Variants in UBXN6 observed in about 807,000 individuals in gnomAD.
UBXN6 encodes UBX domain protein 6.
A neutral mutation model predicts 51.4 loss-of-function variants in UBXN6; 44 were observed. That is an observed-to-expected ratio of 0.86 (90% CI 0.67 to 1.10). UBXN6 has a LOEUF of 1.10. Among genes scored for constraint, UBXN6 ranks in the 50% least tolerant of loss-of-function variants. The probability of loss-of-function intolerance (pLI) is 0.00; values close to 1 mark genes in which losing one functional copy is unlikely to be tolerated. For synonymous variants in UBXN6, 316 were observed against 263.2 expected (o/e 1.20, Z -1.94); for missense variants, 672 against 596.1 (o/e 1.13, Z -1.32).
At chr19:4,448,684 AG>A in intron 4 of UBXN6, 1 of 504,544 alleles carries the variant, frequency 2.0e-6, no homozygotes, top group East Asian at 3.5e-5. Context: ...CTTGGAAGCC[AG>A]TGTGACGCGA....
At chr19:4,447,773 C>T (rs945466302) in intron 5 of UBXN6, 148 bp from the exon 6 acceptor site, 3 of 758,646 alleles carry the variant, frequency 4.0e-6, no homozygotes, top group Non-Finnish European at 6.8e-6. Flanking sequence ...GGCAGCAGAC[C>T]ATCTCCGGGT....
rs745536160 is a variant in UBXN6 at position 4,448,403 on chromosome 19, C to T, written c.454G>A (p.Asp152Asn). 2.3e-5 allele frequency: 36 copies of T among 1,588,630 alleles called. No individual in the cohort carries two copies. The highest frequency in any genetic ancestry group is 2.9e-5 in the Non-Finnish European group (34 of 1,169,044). ...TTCATGATGGAGGCGGCCACTGGGT[C>T]GGTGGAGAAGTGCTGGGAGGAGGGA... ...KEAILLHFST[D>N]PVAASIMKIY... Residue 152 changes from aspartate (D) to asparagine (N), a missense_variant, in exon 5 of 11, where the codon GAC (aspartate) becomes AAC (asparagine). Asp to Asn is a conservative substitution (Grantham distance 23). Transcript: ENST00000301281.
At position 4,452,373 on chromosome 19, in the gene UBXN6, GGC is replaced by G. The variant is rs1491561708; in HGVS notation, c.430_431del (p.Ala144HisfsTer65). The G allele has an allele frequency of 3.7e-6, 6 of 1,613,672 alleles. No homozygotes were observed. The highest frequency in any genetic ancestry group is 1.7e-5 in the Admixed American group (1 of 59,996). ...ACAGGGTGCCACTCACCAAGAGAAT[GGC>G]CTCCTTGATGCAGGCGTCCCGCTGG... is the stretch of plus-strand genomic sequence containing the variant. ...KDQRDACIKE[A>X]ILLHFSTDPV... On this transcript the variant is annotated frameshift_variant, in exon 4 of 11. Coordinates refer to ENST00000301281, the MANE Select transcript of UBXN6 (RefSeq NM_025241.3). LOFTEE classifies it high-confidence loss of function.
Position 4,453,956 on chromosome 19 carries a change from G to C in UBXN6, c.221C>G (p.Thr74Arg). ...EQKQSRAWGP[T>R]SQDTIRNQVR... Reference sequence around the variant, plus strand: ...CTGGTTTCGGATGGTGTCCTGCGATGTGGGGCCCCAGGCCCGGGACTGCTT... The same window carrying C: ...CTGGTTTCGGATGGTGTCCTGCGATCTGGGGCCCCAGGCCCGGGACTGCTT... The change falls in exon 2 of 11, where the codon ACA (threonine) becomes AGA (arginine). Residue 74 changes from threonine to arginine, a missense_variant. Thr to Arg is a moderately conservative substitution (Grantham distance 71). Transcript: ENST00000301281. 1 of 1,611,064 alleles carries C rather than the reference G, an allele frequency of 6.2e-7. No homozygotes were observed. Among genetic ancestry groups the C allele is most frequent in the Non-Finnish European group, 8.5e-7 (1 of 1,179,826 alleles).
chr19:4,448,320 G>T lies in UBXN6; in HGVS notation c.537C>A (p.Ala179=). The T allele has an allele frequency of 6.2e-7, 1 of 1,604,756 alleles. No homozygotes were observed. Among genetic ancestry groups the T allele is most frequent in the Non-Finnish European group, 8.5e-7 (1 of 1,176,548 alleles). ...DRVKLGVDTI[A]KYLDNIHLHP... ...GGGCAAAGGGGCCACACGCTCACTTGGCAATGGTGTCCACACCCAGCTTCA... is the reference window on the plus strand; with the variant it reads ...GGGCAAAGGGGCCACACGCTCACTTTGCAATGGTGTCCACACCCAGCTTCA... Residue 179 remains alanine, a splice_region_variant and synonymous_variant, in exon 5 of 11, where the codon GCC becomes GCA. Transcript: ENST00000301281.
At chr19:4,449,176 TCA>T (rs1316694888) in intron 4 of UBXN6, 1 of 153,138 alleles carries the variant, frequency 6.5e-6, no homozygotes, top group African/African-American at 2.4e-5. Flanking sequence ...GGCACAGCCA[TCA>T]CACACGGCCA....
intron 1 of UBXN6, among the ~76,000 whole-genome samples, chr19:4,455,796 G>A (rs1029687320): frequency 3.3e-5 from 5 of 152,046 alleles, no homozygotes; most frequent in Admixed American, 6.5e-5. Flanking sequence ...CGCAGGGAGA[G>A]AAGGAGGGGC....
intron 1 of UBXN6, among the ~76,000 whole-genome samples, chr19:4,456,170 C>T (rs1182147988): frequency 6.6e-6 from 1 of 152,002 alleles, no homozygotes; most frequent in Non-Finnish European, 1.5e-5. Context: ...GCCATCACCC[C>T]GATACCCTGC....
At chr19:4,454,158 TCA>T in intron 1 of UBXN6, 65 bp from the exon 2 acceptor site, 1 of 1,457,380 alleles carries the variant, frequency 6.9e-7, no homozygotes, top group Non-Finnish European at 9.1e-7. Context: ...TGACGTGCAG[TCA>T]CACAGAGGAG....
Position 4,446,337 on chromosome 19 carries a change from T to C in UBXN6, c.997A>G (p.Lys333Glu). ...REKEEQRGLR[K>E]YNYTLLRVRL... is the part of the protein sequence containing the mutation. The stretch of plus-strand genomic sequence containing the variant: ...ACGCGCAGCAGCGTGTAGTTGTACT[T>C]GCGCAGCCCCCGCTGCTCCTCCTTC... Residue 333 changes from lysine (K) to glutamate (E), a missense_variant, in exon 9 of 11, where the codon AAG (lysine) becomes GAG (glutamate). Physicochemically the swap from Lys to Glu is moderately conservative, Grantham distance 56. Transcript: ENST00000301281. 1.3e-6 allele frequency: 2 copies of C among 1,571,648 alleles called. No homozygotes were observed. Among genetic ancestry groups the C allele is most frequent in the South Asian group, 2.3e-5 (2 of 87,434 alleles).
In UBXN6 at chr19:4,452,478, T is replaced by C; in HGVS notation, c.327A>G (p.Arg109=). The C allele has an allele frequency of 1.2e-6, 2 of 1,611,186 alleles. No homozygotes were observed. The highest frequency in any genetic ancestry group is 4.5e-5 in the East Asian group (2 of 44,846). The stretch of plus-strand genomic sequence containing the variant: ...CAGCCAGGTGGGCAGAGCCTTCCTC[T>C]CTGGGCTCAGATACCTGGGGCGGTG... ...APGTNVVSEP[R]EEGSAHLAVP... The change falls in exon 4 of 11, where the codon AGA becomes AGG. Residue 109 remains arginine, a synonymous_variant. Transcript: ENST00000301281.
At chr19:4,453,807 C>A (rs986397608) in intron 2 of UBXN6, 123 bp downstream of exon 2, 2 of 1,413,856 alleles carry the variant, frequency 1.4e-6, no homozygotes, top group East Asian at 2.3e-5. Context: ...CTTGATGAGC[C>A]GCTCCCAAGG....
chr19:4,445,329 G>T lies in UBXN6; in HGVS notation c.*169C>A. ...TCCCCACAGCCCCCAAGGGATGGGG[G>T]CTCTGCCACGGGGCCCAATTCCACA... On this transcript the variant is annotated 3_prime_UTR_variant, in exon 11 of 11. Coordinates refer to ENST00000301281, the MANE Select transcript of UBXN6 (RefSeq NM_025241.3). 8.6e-7 allele frequency: 1 copy of T among 1,166,000 alleles called. No homozygotes were observed. The highest frequency in any genetic ancestry group is 1.2e-6 in the Non-Finnish European group (1 of 828,380). 72.2% of individuals were successfully genotyped at this position (1,166,000 alleles called of 1,614,324 possible).
Position 4,445,472 on chromosome 19 carries a change from G to A in UBXN6, c.*26C>T, listed in dbSNP as rs770045495. ...AGGGAGAGCATGAGACAGACCCACAGGGCTGAGGCCAACCCTGCTTTTATT... is the reference window on the plus strand; with the variant it reads ...AGGGAGAGCATGAGACAGACCCACAAGGCTGAGGCCAACCCTGCTTTTATT... On this transcript the variant is annotated 3_prime_UTR_variant, in exon 11 of 11. Transcript: ENST00000301281. 6.2e-7 allele frequency: 1 copy of A among 1,613,414 alleles called. No individual in the cohort carries two copies. The highest frequency in any genetic ancestry group is 1.3e-5 in the African/African-American group (1 of 74,934).
At position 4,446,326 on chromosome 19, in the gene UBXN6, G is replaced by A. The variant is rs1974518101; in HGVS notation, c.1008C>T (p.Tyr336=). The stretch of plus-strand genomic sequence containing the variant: ...CGGGGAGGCGCACGCGCAGCAGCGT[G>A]TAGTTGTACTTGCGCAGCCCCCGCT... ...EEQRGLRKYN[Y]TLLRVRLPDG... Residue 336 remains tyrosine, a synonymous_variant, in exon 9 of 11, where the codon TAC becomes TAT. Transcript: ENST00000301281. 4.4e-6 allele frequency: 7 copies of A among 1,574,928 alleles called. No homozygotes were observed. The highest frequency in any genetic ancestry group is 6.0e-6 in the Non-Finnish European group (7 of 1,166,376).
rs772943511 is a variant in UBXN6, at chr19:4,446,402, A to G, written c.932T>C (p.Val311Ala). 3 of 1,576,622 alleles carry G rather than the reference A, an allele frequency of 1.9e-6. No homozygotes were observed. The African/African-American group carries it at 4.0e-5, about 21-fold the overall frequency. ...GGTCCGCAGCACGCTCAGCCGCTCC[A>G]CCGCCTCGGACCTGCACACGCGGGC... is the stretch of plus-strand genomic sequence containing the variant. ...KREQRLRSEA[V>A]ERLSVLRTKA... Residue 311 changes from valine to alanine, a missense_variant, in exon 9 of 11, where the codon GTG (valine) becomes GCG (alanine). By Grantham distance (64) the Val-to-Ala change is moderately conservative. Coordinates refer to ENST00000301281, the MANE Select transcript of UBXN6 (RefSeq NM_025241.3).
At chr19:4,447,750 C>A in intron 5 of UBXN6, 125 bp from the exon 6 acceptor site, 1 of 958,876 alleles carries the variant, frequency 1.0e-6, no homozygotes, top group Non-Finnish European at 1.7e-6. Flanking sequence ...AAGAAGCGGC[C>A]CAGTGACGCG....
Position 4,445,315 on chromosome 19 carries a change from C to T in UBXN6, c.*183G>A. The T allele has an allele frequency of 9.5e-7, 1 of 1,049,816 alleles. No homozygotes were observed. Among genetic ancestry groups the T allele is most frequent in the South Asian group, 1.5e-5 (1 of 65,438 alleles). 65.0% of individuals were successfully genotyped at this position (1,049,816 alleles called of 1,614,324 possible). A position where few individuals can be genotyped will look rare whatever the true frequency, so the allele number is the denominator to read the frequency against. ...GGGGCTTGGGCGCATCCCCACAGCC[C>T]CCAAGGGATGGGGGCTCTGCCACGG... On this transcript the variant is annotated 3_prime_UTR_variant, in exon 11 of 11. Coordinates refer to ENST00000301281, the MANE Select transcript of UBXN6 (RefSeq NM_025241.3).
chr19:4,457,564 C>G, intron 1 of UBXN6, 51 bp downstream of exon 1: 1 of 1,534,198 alleles, frequency 6.5e-7, no homozygotes, highest in South Asian at 1.2e-5. Context: ...GATCTCTCTC[C>G]CCGGCCGTCC....
Sources: allele counts gnomAD v4.1 joint callset (sites outside exome capture counted in the v4.1 genomes callset), GRCh38; gene constraint gnomAD v4.1.1; transcripts MANE v1.5; gene names NCBI Gene and HGNC (gene_info 2026-07-23, HGNC 2026-07-21).